PYGB: variants seen among roughly 807,000 people sequenced by gnomAD.
PYGB encodes the protein glycogen phosphorylase B.
PYGB carries 82 observed loss-of-function variants against 94.3 expected under a neutral mutation model. That is an observed-to-expected ratio of 0.87 (90% confidence interval 0.73 to 1.04). The LOEUF (loss-of-function observed/expected upper bound fraction) is 1.04. Ranked by LOEUF, PYGB falls within the 50% of genes least tolerant of loss-of-function variation. PYGB has a pLI of 0.00. For missense variants in PYGB, 1,132 were observed against 1,158.2 expected (o/e 0.98, Z 0.33); for synonymous variants, 488 against 479.1 (o/e 1.02, Z -0.24).
chr20:25,269,024 C>A, intron 2 of PYGB, 105 bp from the exon 3 acceptor site: 1 of 983,636 alleles, frequency 1.0e-6, no homozygotes, highest in Non-Finnish European at 1.6e-6. Flanking sequence ...AGAACCCAGA[C>A]TCTAACTTTT....
Position 25,248,116 on chromosome 20 carries a change from C to T in PYGB, c.-63C>T, listed in dbSNP as rs202108330. 34 of 1,483,110 alleles carry T rather than the reference C, an allele frequency of 2.3e-5. No individual in the cohort carries two copies. Among genetic ancestry groups the T allele is most frequent in the Admixed American group, 8.2e-5 (4 of 48,994 alleles). 91.9% of individuals were successfully genotyped at this position (1,483,110 alleles called of 1,614,324 possible). ...GCGGCGCCAGAGCAGCTGCACCATC[C>T]CGGCGTTCGCGTGTGCCGCCGCTTT... On this transcript the variant is annotated 5_prime_UTR_variant, in exon 1 of 20. Coordinates refer to ENST00000216962, the MANE Select transcript of PYGB (RefSeq NM_002862.4).
chr20:25,274,600 G>A lies in PYGB; in HGVS notation c.537G>A (p.Glu179=). The change falls in exon 5 of 20, where the codon GAG becomes GAA. Residue 179 remains glutamate, a synonymous_variant. Coordinates refer to ENST00000216962, the MANE Select transcript of PYGB (RefSeq NM_002862.4). ...QKIVNGWQVE[E]ADDWLRYGNP... is the part of the protein sequence containing the mutation. ...AGCTGGCTTCTTTCCAGGTAGAGGA[G>A]GCCGATGACTGGCTGCGCTACGGCA... The A allele has an allele frequency of 6.2e-7, 1 of 1,613,310 alleles. No individual in the cohort carries two copies. Among genetic ancestry groups the A allele is most frequent in the Non-Finnish European group, 8.5e-7 (1 of 1,179,722 alleles).
Position 25,288,500 on chromosome 20 carries a change from G to A in PYGB, c.1827+17G>A. 2 of 1,613,454 alleles carry A rather than the reference G, an allele frequency of 1.2e-6. No individual in the cohort carries two copies. Among genetic ancestry groups the A allele is most frequent in the Non-Finnish European group, 1.7e-6 (2 of 1,179,504 alleles). ...GGGGGCAAGGTGAGTGACTTCCTCT[G>A]CAGTCCTCTCTGTGGTGTTTGGTCT... On this transcript the variant is annotated intron_variant, in intron 15 of 19. Transcript: ENST00000216962.
At chr20:25,271,847 G>T (rs563236306) in intron 4 of PYGB, among the ~76,000 whole-genome samples, 118 of 152,352 alleles carry the variant, frequency 7.7e-4, no homozygotes, top group Non-Finnish European at 1.3e-3. Context: ...CAGAGTGCAG[G>T]GTGGTACTTT....
intron 1 of PYGB, among the ~76,000 whole-genome samples, chr20:25,249,227 CACAT>C (rs1364895955): frequency 6.9e-6 from 1 of 144,174 alleles, no homozygotes; most frequent in Non-Finnish European, 1.6e-5. Flanking sequence ...AAGTATAATG[CACAT>C]ACAGTTTTTT....
Position 25,271,380 on chromosome 20 carries a change from C to CA in PYGB, c.425-2dup, listed in dbSNP as rs1166517551. On this transcript the variant is annotated splice_polypyrimidine_tract_variant and splice_region_variant and intron_variant, in intron 3 of 19. Coordinates refer to ENST00000216962, the MANE Select transcript of PYGB (RefSeq NM_002862.4). ...CTGACTGATTTGTGATTGATTTTTT[C>CA]AGCGTGTTTCCTTGACTCAATGGCT... 1 of 1,613,592 alleles carries CA rather than the reference C, an allele frequency of 6.2e-7. No individual in the cohort carries two copies. Among genetic ancestry groups the CA allele is most frequent in the Non-Finnish European group, 8.5e-7 (1 of 1,179,658 alleles).
At chr20:25,274,125 TGA>T (rs1600730133) in intron 4 of PYGB, among the ~76,000 whole-genome samples, 1 of 152,242 alleles carries the variant, frequency 6.6e-6, no homozygotes, top group Non-Finnish European at 1.5e-5. Context: ...CTGTCTATCT[TGA>T]GAACATTTTC....
At position 25,288,448 on chromosome 20, in the gene PYGB, G is replaced by C. The variant is rs755020144; in HGVS notation, c.1792G>C (p.Ala598Pro). 1.2e-6 allele frequency: 2 copies of C among 1,614,182 alleles called. No individual in the cohort carries two copies. Among genetic ancestry groups the C allele is most frequent in the Admixed American group, 1.7e-5 (1 of 60,028 alleles). ...AGGAATCAAGAGAGACCCGGCCAAG[G>C]CTTTTGTGCCCAGGACTGTTATGAT... The part of the protein sequence containing the change: ...YNRIKRDPAK[A>P]FVPRTVMIGG... Residue 598 changes from alanine to proline, a missense_variant, in exon 15 of 20, where the codon GCT becomes CCT. Coordinates refer to ENST00000216962, the MANE Select transcript of PYGB (RefSeq NM_002862.4).
intron 1 of PYGB, among the ~76,000 whole-genome samples, chr20:25,253,944 C>T (rs928952814): frequency 2.0e-5 from 3 of 152,032 alleles, no homozygotes; most frequent in African/African-American, 4.8e-5. Flanking sequence ...TGGTGGTGGG[C>T]GCCTGTAGTC....
chr20:25,295,810 C>A, intron 19 of PYGB, 140 bp downstream of exon 19: 1 of 946,570 alleles, frequency 1.1e-6, no homozygotes, highest in Non-Finnish European at 1.7e-6. Context: ...TGTCATCAGT[C>A]GGCTGTGCCT....
chr20:25,271,321 C>T (rs1382384480), intron 3 of PYGB, 62 bp from the exon 4 acceptor site: 1 of 1,515,460 alleles, frequency 6.6e-7, no homozygotes, highest in Non-Finnish European at 9.2e-7. Context: ...TGTGGGCTGC[C>T]TCCGCATGGG....
chr20:25,259,097 G>C, intron 1 of PYGB, 140 bp from the exon 2 acceptor site: 1 of 748,714 alleles, frequency 1.3e-6, no homozygotes, highest in Non-Finnish European at 2.1e-6. Flanking sequence ...GCCTGACAGA[G>C]CAAGCCCAGT....
chr20:25,294,309 TG>T lies in PYGB; in HGVS notation c.2312+19del. Reference sequence around the variant, plus strand: ...CCATGACAGGTGGGACCGACTTCCCTGGTTGGGTGGCTGGGAGGGAGGGAGG... The same window carrying T: ...CCATGACAGGTGGGACCGACTTCCCTGTTGGGTGGCTGGGAGGGAGGGAGG... On this transcript the variant is annotated intron_variant, in intron 18 of 19. Coordinates refer to ENST00000216962, the MANE Select transcript of PYGB (RefSeq NM_002862.4). The T allele has an allele frequency of 1.4e-6, 1 of 718,228 alleles. No homozygotes were observed. The highest frequency in any genetic ancestry group is 6.2e-5 in the East Asian group (1 of 16,122). The allele number at this position is 718,228 out of a possible 1,614,324, so 44.5% of individuals were successfully genotyped here.
At chr20:25,267,079 C>T (rs1453509216) in intron 2 of PYGB, among the ~76,000 whole-genome samples, 1 of 152,152 alleles carries the variant, frequency 6.6e-6, no homozygotes, top group African/African-American at 2.4e-5. Context: ...AAAGTGGAAA[C>T]ATCCAAATGT....
At chr20:25,273,142 G>A (rs556833597) in intron 4 of PYGB, among the ~76,000 whole-genome samples, 1 of 152,356 alleles carries the variant, frequency 6.6e-6, no homozygotes, top group East Asian at 1.9e-4. Context: ...CAGAGGGGCC[G>A]CAGGCCAGCC....
chr20:25,253,919 A>G (rs1164281317), intron 1 of PYGB, among the ~76,000 whole-genome samples: 3 of 152,110 alleles, frequency 2.0e-5, no homozygotes, highest in African/African-American at 7.2e-5. Context: ...TAAAAATACA[A>G]AAATTAGCCA....
chr20:25,294,903 T>A (rs2088515883), intron 18 of PYGB: 1 of 1,557,176 alleles, frequency 6.4e-7, no homozygotes, highest in Non-Finnish European at 8.8e-7. Flanking sequence ...CCCTCCACTT[T>A]CAGCTGCCTT....
At chr20:25,254,820 T>C (rs891743366) in intron 1 of PYGB, among the ~76,000 whole-genome samples, 53 of 152,200 alleles carry the variant, frequency 3.5e-4, no homozygotes, top group Non-Finnish European at 4.4e-5. Flanking sequence ...CTTAATTGCA[T>C]AGAAGGCGGG....
At chr20:25,287,852 G>A (rs1017676776) in intron 14 of PYGB, among the ~76,000 whole-genome samples, 3 of 152,052 alleles carry the variant, frequency 2.0e-5, no homozygotes, top group Admixed American at 6.5e-5. Flanking sequence ...GCAGTGGCAC[G>A]TGCCTAGGAT....
Sources: gnomAD v4.1 joint callset for allele counts (sites outside exome capture counted in the v4.1 genomes callset) on GRCh38, gnomAD v4.1.1 for gene constraint, MANE v1.5 for transcripts, NCBI Gene and HGNC (gene_info 2026-07-23, HGNC 2026-07-21) for gene names.